The following SCGB2B2 variants were observed in gnomAD, a reference collection of about 807,000 sequenced individuals.
The protein encoded by SCGB2B2 is secretoglobin-like protein.
A neutral mutation model predicts 7.6 loss-of-function variants in SCGB2B2; 11 were observed. That is an observed-to-expected ratio of 1.45 (90% CI 0.91 to 2.40). SCGB2B2 has a LOEUF of 2.40. Among genes scored for constraint, SCGB2B2 ranks in the 30% most tolerant of loss-of-function variants. The pLI is 0.00. For synonymous variants in SCGB2B2, 50 were observed against 48.6 expected (o/e 1.03, Z -0.12); for missense variants, 104 against 115.4 (o/e 0.90, Z 0.45).
At chr19:34,600,938 T>C (rs992708949) in intron 1 of SCGB2B2, among the ~76,000 whole-genome samples, 2 of 151,428 alleles carry the variant, frequency 1.3e-5, no homozygotes, top group African/African-American at 2.4e-5. Flanking sequence ...TGTGTGTGTG[T>C]GTGCATTTTG....
intron 1 of SCGB2B2, among the ~76,000 whole-genome samples, chr19:34,658,807 CAACAACAAAA>C (rs1372273863): frequency 1.6e-5 from 1 of 61,122 alleles, no homozygotes; most frequent in Non-Finnish European, 3.9e-5. Context: ...ACAACAACAA[CAACAACAAAA>C]AAAAAAAAAA....
At chr19:34,640,498 AC>A (rs2066810731) in intron 1 of SCGB2B2, 1 of 152,186 alleles carries the variant, frequency 6.6e-6, no homozygotes, top group African/African-American at 2.4e-5. Context: ...TGATTTTGCT[AC>A]TATGGAAAGC....
At chr19:34,637,547 C>T (rs1022090568) in intron 1 of SCGB2B2, 9 of 207,360 alleles carry the variant, frequency 4.3e-5, no homozygotes, top group South Asian at 1.1e-4. Flanking sequence ...GTGAGTCCCT[C>T]GAGCTTCAAT....
In SCGB2B2 at chr19:34,660,972, C is replaced by T. The variant is rs7251750; in HGVS notation, c.-2032+14658G>A. Reference sequence around the variant, plus strand: ...AGAATGGATGAGTGCATGTCCTTTGCAGGGACATGGATGAAGCTGGAAACC... The same window carrying T: ...AGAATGGATGAGTGCATGTCCTTTGTAGGGACATGGATGAAGCTGGAAACC... On this transcript the variant is annotated intron_variant, in intron 1 of 3. Transcript: ENST00000601241. 3.9e-3 allele frequency among the ~76,000 whole-genome samples: 591 copies of T among 152,144 alleles called. 5 individuals carry two copies. Among genetic ancestry groups the T allele is most frequent in the African/African-American group, 0.014 (562 of 41,448 alleles).
At chr19:34,666,637 C>A (rs1295351701) in intron 1 of SCGB2B2, among the ~76,000 whole-genome samples, 1 of 152,154 alleles carries the variant, frequency 6.6e-6, no homozygotes, top group African/African-American at 2.4e-5. Context: ...CCCCCAGGAC[C>A]CTGAGTTTAA....
At chr19:34,606,100 GTT>G (rs898675692) in intron 1 of SCGB2B2, among the ~76,000 whole-genome samples, 5 of 150,834 alleles carry the variant, frequency 3.3e-5, no homozygotes, top group Admixed American at 3.3e-4. Flanking sequence ...ATTTTATGTA[GTT>G]TTTTAAAATT....
In SCGB2B2 at chr19:34,592,574, A is replaced by G. The variant is rs1223165578; in HGVS notation, c.*981T>C. Among the ~76,000 whole-genome samples the G allele has an allele frequency of 6.6e-6, 1 of 152,126 alleles. No individual in the cohort carries two copies. The highest frequency in any genetic ancestry group is 2.4e-5 in the African/African-American group (1 of 41,432). ...TGGGAGGTCCAAGGAGCCTGCGGAA[A>G]GGGCTTGAGGTTTGGGGAGGGACCT... On this transcript the variant is annotated 3_prime_UTR_variant, in exon 4 of 4. Transcript: ENST00000601241.
intron 1 of SCGB2B2, among the ~76,000 whole-genome samples, chr19:34,639,199 G>A (rs16969581): frequency 0.025 from 3,753 of 152,166 alleles, 164 homozygotes; most frequent in African/African-American, 0.084. Flanking sequence ...GTAATCCTTG[G>A]GCTTGTGGGT....
In SCGB2B2 at chr19:34,608,660, C is replaced by CATATATATATATTATATATATATAT. The variant is rs2065844374; in HGVS notation, c.-2031-12067_-2031-12066insATATATATATATAATATATATATAT. 2.3e-5 allele frequency: 2 copies of CATATATATATATTATATATATATAT among 87,244 alleles called. 1 individual carries two copies. Among genetic ancestry groups the CATATATATATATTATATATATATAT allele is most frequent in the African/African-American group, 1.1e-4 (2 of 17,482 alleles). 5.4% of individuals were successfully genotyped at this position (87,244 alleles called of 1,614,324 possible). ...ATTTTTTATGGCTAGTGTCTCATTG[C>CATATATATATATTATATATATATAT]ATATATATATATATATATATATATA... On this transcript the variant is annotated intron_variant, in intron 1 of 3. Transcript: ENST00000601241.
At chr19:34,593,672 G>A (rs2065358662) in intron 3 of SCGB2B2, 73 bp from the exon 4 acceptor site, 17 of 1,284,524 alleles carry the variant, frequency 1.3e-5, no homozygotes, top group Admixed American at 4.0e-5. Context: ...GTTATTGCCC[G>A]GTCCCCGAGC....
At chr19:34,645,955 G>C (rs745348571) in intron 1 of SCGB2B2, 2 of 294,198 alleles carry the variant, frequency 6.8e-6, no homozygotes, top group African/African-American at 4.5e-5. Context: ...GACCTGAAGC[G>C]GGAGCTTGCT....
At chr19:34,600,473 C>T (rs547682236) in intron 1 of SCGB2B2, among the ~76,000 whole-genome samples, 4 of 152,270 alleles carry the variant, frequency 2.6e-5, no homozygotes, top group Admixed American at 1.3e-4. Context: ...AACAGGAAAC[C>T]TTGAAAGCAG....
intron 1 of SCGB2B2, among the ~76,000 whole-genome samples, chr19:34,601,922 TTTTTA>T (rs2065635772): frequency 6.6e-6 from 1 of 152,124 alleles, no homozygotes; most frequent in Non-Finnish European, 1.5e-5. Flanking sequence ...TCTTGACAGC[TTTTTA>T]TTTTATAATA....
chr19:34,668,034 GGCCCTCGCA>G (rs1270836641), intron 1 of SCGB2B2, among the ~76,000 whole-genome samples: 1 of 152,166 alleles, frequency 6.6e-6, no homozygotes, highest in South Asian at 2.1e-4. Context: ...GCATGCTGGC[GGCCCTCGCA>G]GCCCTCGCTC....
chr19:34,671,372 A>G (rs963639082), intron 1 of SCGB2B2, among the ~76,000 whole-genome samples: 2 of 152,144 alleles, frequency 1.3e-5, no homozygotes, highest in African/African-American at 4.8e-5. Flanking sequence ...CTAACATTTT[A>G]AAGTCTTAAT....
At position 34,616,185 on chromosome 19, in the gene SCGB2B2, G is replaced by A. The variant is rs951216678; in HGVS notation, c.-2031-19591C>T. ...TGTCTTTATAGCAGCATAATTTATA[G>A]TCCTTTGGGTATATACCCAGTAAAG... On this transcript the variant is annotated intron_variant, in intron 1 of 3. Coordinates refer to ENST00000601241, the MANE Select transcript of SCGB2B2 (RefSeq NM_001025591.4). Among the ~76,000 whole-genome samples, 201 of 150,466 alleles carry A rather than the reference G, an allele frequency of 1.3e-3. 2 individuals are homozygous for A. The highest frequency in any genetic ancestry group is 4.7e-3 in the African/African-American group (191 of 41,046).
chr19:34,607,571 T>C (rs1486139208), intron 1 of SCGB2B2, among the ~76,000 whole-genome samples: 2 of 152,250 alleles, frequency 1.3e-5, no homozygotes, highest in Non-Finnish European at 2.9e-5. Context: ...TTACCAATAG[T>C]GCACAAGGGT....
At chr19:34,657,401 G>A (rs2067311095) in intron 1 of SCGB2B2, among the ~76,000 whole-genome samples, 2 of 151,118 alleles carry the variant, frequency 1.3e-5, no homozygotes, top group Non-Finnish European at 2.9e-5. Context: ...AAGGGATGGA[G>A]GAAGATCTAC....
chr19:34,609,706 A>AT (rs1289951301), intron 1 of SCGB2B2, among the ~76,000 whole-genome samples: 1 of 152,002 alleles, frequency 6.6e-6, no homozygotes, highest in African/African-American at 2.4e-5. Context: ...GTACAATACT[A>AT]TTTTTTAAAA....
Sources: gnomAD v4.1 joint callset for allele counts (sites outside exome capture counted in the v4.1 genomes callset) on GRCh38, gnomAD v4.1.1 for gene constraint, MANE v1.5 for transcripts, NCBI Gene and HGNC (gene_info 2026-07-23, HGNC 2026-07-21) for gene names.